Variants in PLS3 observed in about 807,000 individuals in gnomAD.
The protein encoded by PLS3 is plastin-3.
PLS3 carries 11 observed loss-of-function variants against 46.5 expected under a neutral mutation model. The ratio of observed to expected loss-of-function variants is 0.24; its 90% confidence interval spans 0.15 to 0.39. The LOEUF is 0.39. Among genes scored for constraint, PLS3 ranks in the 10% least tolerant of loss-of-function variants. The probability of loss-of-function intolerance (pLI) is 1.00; values close to 1 mark genes in which losing one functional copy is unlikely to be tolerated. For missense variants in PLS3, 308 were observed against 461.8 expected (o/e 0.67, Z 3.05); for synonymous variants, 167 against 162.2 (o/e 1.03, Z -0.22).
chrX:115,640,579 A>G, intron 9 of PLS3, 76 bp downstream of exon 9: 1 of 564,198 alleles, frequency 1.8e-6, no homozygotes. Flanking sequence ...AATAATTTTT[A>G]TAATCGTATG....
chrX:115,597,958 C>T (rs1031072695), intron 1 of PLS3, among the ~76,000 whole-genome samples: 2 of 111,160 alleles, frequency 1.8e-5, no homozygotes, highest in Admixed American at 1.9e-4. Flanking sequence ...GTCTGCTATA[C>T]GTGGTGATTA....
rs1388843994 is a variant in PLS3 at position 115,622,275 on chromosome X, T to C, written c.103T>C (p.Tyr35His). 7 of 1,198,943 alleles carry C rather than the reference T, an allele frequency of 5.8e-6. No individual in the cohort carries two copies. The Admixed American group carries it at 1.6e-4, about 27-fold the overall frequency. ...CAACAGCAACGGATTCATTTGTGAC[T>C]ATGAACTTCATGAGCTCTTCAAGGA... ...DLNSNGFICD[Y>H]ELHELFKEAN... is the part of the protein sequence containing the mutation. Residue 35 changes from tyrosine to histidine, a missense_variant, in exon 3 of 16, where the codon TAT becomes CAT. By Grantham distance (83) the Tyr-to-His change is moderately conservative. Around this residue, in one of 2 missense-constraint regions of PLS3, gnomAD observed 37 missense variants for 26.1 expected, o/e 1.42. Transcript: ENST00000355899.
chrX:115,591,422 T>C (rs782066332), intron 1 of PLS3, among the ~76,000 whole-genome samples: 4 of 112,222 alleles, frequency 3.6e-5, no homozygotes, highest in African/African-American at 1.3e-4. Flanking sequence ...TAAGTAGTAC[T>C]GTTATAACGA....
intron 9 of PLS3, among the ~76,000 whole-genome samples, chrX:115,641,411 G>A (rs1341568915): frequency 1.3e-4 from 14 of 108,814 alleles, no homozygotes; most frequent in South Asian, 4.1e-4. Flanking sequence ...ATTTTTAGTA[G>A]AGATGGGGTT....
intron 1 of PLS3, among the ~76,000 whole-genome samples, chrX:115,595,948 A>G (rs1216995587): frequency 9.0e-6 from 1 of 111,109 alleles, no homozygotes; most frequent in African/African-American, 3.3e-5. Flanking sequence ...ACTTTTATCT[A>G]TAAATTGCAG....
intron 1 of PLS3, among the ~76,000 whole-genome samples, chrX:115,574,145 T>C (rs926046721): frequency 4.5e-5 from 5 of 111,983 alleles, no homozygotes; most frequent in Non-Finnish European, 9.4e-5. Context: ...ATTTCTGCCA[T>C]GTACCATGGG....
At chrX:115,578,691 C>CAAAAAA (rs373605509) in intron 1 of PLS3, among the ~76,000 whole-genome samples, 258 of 25,611 alleles carry the variant, frequency 0.01, no homozygotes, top group Non-Finnish European at 0.013. Flanking sequence ...CGCCACTGCA[C>CAAAAAA]AAAAAAAAAA....
At chrX:115,592,250 T>G (rs1045517114) in intron 1 of PLS3, among the ~76,000 whole-genome samples, 2 of 112,159 alleles carry the variant, frequency 1.8e-5, no homozygotes, top group African/African-American at 6.5e-5. Context: ...TTATGCATGC[T>G]TTATCCCAGA....
At chrX:115,613,413 T>A (rs2074565221) in intron 2 of PLS3, among the ~76,000 whole-genome samples, 1 of 111,537 alleles carries the variant, frequency 9.0e-6, no homozygotes, top group Admixed American at 9.6e-5. Context: ...CACATCAGGA[T>A]GATGCCACAA....
At chrX:115,644,028 G>A (rs1246622000) in intron 10 of PLS3, among the ~76,000 whole-genome samples, 1 of 111,185 alleles carries the variant, frequency 9.0e-6, no homozygotes. Context: ...AAGCCACTTA[G>A]TAAATCAGTA....
At chrX:115,574,195 A>G (rs2074234363) in intron 1 of PLS3, among the ~76,000 whole-genome samples, 1 of 111,848 alleles carries the variant, frequency 8.9e-6, no homozygotes, top group African/African-American at 3.2e-5. Context: ...ATAAGCCCTG[A>G]GAAAAAGCCC....
At chrX:115,627,978 A>C (rs1385663594) in intron 3 of PLS3, among the ~76,000 whole-genome samples, 1 of 111,922 alleles carries the variant, frequency 8.9e-6, no homozygotes, top group Non-Finnish European at 1.9e-5. Flanking sequence ...AGGGCCACTG[A>C]CAACACATAC....
intron 1 of PLS3, among the ~76,000 whole-genome samples, chrX:115,570,894 CTT>C (rs369920378): frequency 0.094 from 7,934 of 84,076 alleles, 845 homozygotes; most frequent in African/African-American, 0.35. Context: ...TTAATTTATT[CTT>C]TTTTTTTTTT....
intron 2 of PLS3, chrX:115,621,944 T>A (rs2074659900): frequency 5.1e-6 from 1 of 195,931 alleles, no homozygotes; most frequent in South Asian, 1.5e-4. Context: ...GTTCTTTTTT[T>A]AAAATCCTAT....
intron 1 of PLS3, among the ~76,000 whole-genome samples, chrX:115,570,894 CTTTTTTTTTT>C (rs369920378): frequency 2.8e-3 from 235 of 84,300 alleles, no homozygotes; most frequent in Middle Eastern, 5.7e-3. Context: ...TTAATTTATT[CTTTTTTTTTT>C]TTTTTTTTTG....
chrX:115,643,274 T>C, intron 9 of PLS3, 39 bp from the exon 10 acceptor site: 1 of 914,252 alleles, frequency 1.1e-6, no homozygotes, highest in Non-Finnish European at 1.6e-6. Context: ...ATATTTTTAG[T>C]GTGGCCTTTG....
At chrX:115,572,818 G>A (rs1300888255) in intron 1 of PLS3, among the ~76,000 whole-genome samples, 2 of 111,311 alleles carry the variant, frequency 1.8e-5, no homozygotes, top group Non-Finnish European at 3.8e-5. Flanking sequence ...TTTAGACCGT[G>A]CCCGGTGGTT....
chrX:115,576,503 C>T lies in PLS3; in HGVS notation c.-9+15243C>T, dbSNP rs782371533. ...GGAGGGTTGCTTGATCCCGTGATCA[C>T]GCCTCTGTATTTCAGCTTGGGTGAG... On this transcript the variant is annotated intron_variant, in intron 1 of 15. Transcript: ENST00000355899. 4.5e-5 allele frequency among the ~76,000 whole-genome samples: 5 copies of T among 111,760 alleles called. No individual in the cohort carries two copies. The South Asian group carries it at 1.1e-3, about 25-fold the overall frequency.
intron 1 of PLS3, among the ~76,000 whole-genome samples, chrX:115,578,691 C>CAAAAAAA (rs373605509): frequency 3.3e-3 from 89 of 26,573 alleles, no homozygotes; most frequent in African/African-American, 3.7e-3. Context: ...CGCCACTGCA[C>CAAAAAAA]AAAAAAAAAA....
Sources: allele counts gnomAD v4.1 joint callset (sites outside exome capture counted in the v4.1 genomes callset), GRCh38; gene constraint gnomAD v4.1.1; regional missense constraint gnomAD v4.1.1; transcripts MANE v1.5; gene names NCBI Gene and HGNC (gene_info 2026-07-23, HGNC 2026-07-21).